The following MTG2 variants were observed in gnomAD, a reference collection of about 807,000 sequenced individuals.
The protein encoded by MTG2 is mitochondrial ribosome-associated GTPase 2.
In MTG2, 23 loss-of-function variants were observed where a neutral mutation model predicts 28.6. That is an observed-to-expected ratio of 0.80 (90% CI 0.58 to 1.14). The LOEUF is 1.14. Among genes scored for constraint, MTG2 ranks in the 50% most tolerant of loss-of-function variants. The pLI is 0.00. For synonymous variants in MTG2, 260 were observed against 251.8 expected (o/e 1.03, Z -0.31); for missense variants, 539 against 552.0 (o/e 0.98, Z 0.24).
At chr20:62,190,042 G>A (rs1465303743) in intron 1 of MTG2, among the ~76,000 whole-genome samples, 1 of 152,144 alleles carries the variant, frequency 6.6e-6, no homozygotes, top group Non-Finnish European at 1.5e-5. Flanking sequence ...TGTCCCCTCT[G>A]TTTTTTGTTT....
chr20:62,198,412 G>A, intron 4 of MTG2: 1 of 596,070 alleles, frequency 1.7e-6, no homozygotes, highest in East Asian at 2.8e-5. Flanking sequence ...AAAGCCCTTT[G>A]TGCAGTCAGA....
chr20:62,199,692 CTT>C (rs576466526), intron 6 of MTG2, among the ~76,000 whole-genome samples: 1,809 of 90,508 alleles, frequency 0.02, 20 homozygotes, highest in African/African-American at 0.069. Context: ...ATGTAAACAA[CTT>C]TTTTTTTTTT....
At chr20:62,184,713 A>G (rs797000186) in intron 1 of MTG2, among the ~76,000 whole-genome samples, 1 of 152,350 alleles carries the variant, frequency 6.6e-6, no homozygotes, top group African/African-American at 2.4e-5. Context: ...CCTGACACAC[A>G]GCACAGGGCA....
intron 1 of MTG2, among the ~76,000 whole-genome samples, chr20:62,193,132 T>A (rs564169092): frequency 6.6e-6 from 1 of 152,228 alleles, no homozygotes; most frequent in Non-Finnish European, 1.5e-5. Context: ...GAGCGGAACC[T>A]TGCTATTCCA....
intron 1 of MTG2, among the ~76,000 whole-genome samples, chr20:62,188,457 C>T (rs962294180): frequency 2.5e-4 from 37 of 150,854 alleles, no homozygotes; most frequent in African/African-American, 8.5e-4. Context: ...CCTTAGCCTC[C>T]TAAGTAGCTG....
intron 1 of MTG2, among the ~76,000 whole-genome samples, chr20:62,184,244 G>C (rs1307254364): frequency 6.6e-6 from 1 of 152,170 alleles, no homozygotes; most frequent in Non-Finnish European, 1.5e-5. Context: ...TGTAATCCCA[G>C]CTACTGGGGA....
chr20:62,188,254 G>T (rs1359877684), intron 1 of MTG2, among the ~76,000 whole-genome samples: 3 of 151,654 alleles, frequency 2.0e-5, no homozygotes, highest in Non-Finnish European at 2.9e-5. Flanking sequence ...TGTTTGATTT[G>T]CAGGTATTTG....
chr20:62,199,400 CT>C (rs2058121780), intron 6 of MTG2, 143 bp downstream of exon 6: 1 of 1,024,856 alleles, frequency 9.8e-7, no homozygotes, highest in Non-Finnish European at 1.4e-6. Context: ...AACCCCAGCA[CT>C]TTGGGAGGCC....
At chr20:62,196,514 A>G (rs1422134789) in intron 3 of MTG2, among the ~76,000 whole-genome samples, 1 of 149,526 alleles carries the variant, frequency 6.7e-6, no homozygotes, top group Non-Finnish European at 1.5e-5. Context: ...CTCTTAAAAA[A>G]TAATAATAAT....
chr20:62,194,544 G>A (rs952590732), intron 2 of MTG2, among the ~76,000 whole-genome samples: 1 of 152,156 alleles, frequency 6.6e-6, no homozygotes, highest in African/African-American at 2.4e-5. Context: ...CCCACATGGT[G>A]GTGCCAAAGA....
chr20:62,185,105 TG>T (rs2057813600), intron 1 of MTG2, among the ~76,000 whole-genome samples: 1 of 151,608 alleles, frequency 6.6e-6, no homozygotes, highest in Non-Finnish European at 1.5e-5. Context: ...AGTGAAACTC[TG>T]CCTCAAATAA....
At position 62,183,070 on chromosome 20, in the gene MTG2, G is replaced by C. The variant is rs973135827; in HGVS notation, c.-6+13G>C. On this transcript the variant is annotated intron_variant, in intron 1 of 6. Coordinates refer to ENST00000370823, the MANE Select transcript of MTG2 (RefSeq NM_015666.4). ...CTTTCCCGAGCCGGTGAGTGCGGGA[G>C]CGGGGAGCGGGGAGCGTGGGCCTGG... 1 of 151,988 alleles carries C rather than the reference G, an allele frequency of 6.6e-6. No individual in the cohort carries two copies. The highest frequency in any genetic ancestry group is 6.5e-5 in the Admixed American group (1 of 15,278). 9.4% of individuals were successfully genotyped at this position (151,988 alleles called of 1,614,324 possible). A position where few individuals can be genotyped will look rare whatever the true frequency, so the allele number is the denominator to read the frequency against.
At chr20:62,189,317 GAAA>G (rs765949239) in intron 1 of MTG2, among the ~76,000 whole-genome samples, 7 of 150,028 alleles carry the variant, frequency 4.7e-5, no homozygotes, top group Non-Finnish European at 8.9e-5. Context: ...AAAAAAAAAA[GAAA>G]AAAAAGTGTC....
At chr20:62,198,111 A>AGCG in intron 4 of MTG2, 144 bp downstream of exon 4, 1 of 651,652 alleles carries the variant, frequency 1.5e-6, no homozygotes. Flanking sequence ...GCTGGCAGAC[A>AGCG]GCGGGAAAGC....
chr20:62,197,876 C>G lies in MTG2; in HGVS notation c.377C>G (p.Ser126Trp). Residue 126 changes from serine to tryptophan, a missense_variant, in exon 4 of 7, where the codon TCG (serine) becomes TGG (tryptophan). Ser to Trp is a radical substitution (Grantham distance 177). Coordinates refer to ENST00000370823, the MANE Select transcript of MTG2 (RefSeq NM_015666.4). ...LRVDQQVKSL[S>W]SVLSRYQGFS... is the part of the protein sequence containing the mutation. Reference sequence around the variant, plus strand: ...GTTGACCAGCAAGTCAAGTCCCTGTCGTCGGTCCTGTCGCGGTACCAGGGT... The same window carrying G: ...GTTGACCAGCAAGTCAAGTCCCTGTGGTCGGTCCTGTCGCGGTACCAGGGT... 1 of 1,614,210 alleles carries G rather than the reference C, an allele frequency of 6.2e-7. No individual in the cohort carries two copies. The highest frequency in any genetic ancestry group is 8.5e-7 in the Non-Finnish European group (1 of 1,180,034).
intron 3 of MTG2, among the ~76,000 whole-genome samples, 170 bp downstream of exon 3, chr20:62,196,119 C>T (rs2058052472): frequency 2.0e-5 from 3 of 151,912 alleles, no homozygotes; most frequent in South Asian, 4.1e-4. Context: ...TCAAGACCAG[C>T]CTGGACAATA....
chr20:62,198,389 A>T, intron 4 of MTG2: 1 of 582,100 alleles, frequency 1.7e-6, no homozygotes, highest in Non-Finnish European at 3.1e-6. Context: ...ACGTTTTAGA[A>T]ACACTATTTG....
At chr20:62,194,521 A>C (rs2058024032) in intron 2 of MTG2, among the ~76,000 whole-genome samples, 1 of 152,224 alleles carries the variant, frequency 6.6e-6, no homozygotes, top group African/African-American at 2.4e-5. Context: ...TGGAAATAAC[A>C]GTTCGTGGTT....
At chr20:62,194,275 C>A (rs149466680) in intron 2 of MTG2, among the ~76,000 whole-genome samples, 9 of 152,310 alleles carry the variant, frequency 5.9e-5, no homozygotes, top group Non-Finnish European at 1.2e-4. Context: ...TCGTTTCCTG[C>A]TGAATGGAGG....
Sources: gnomAD v4.1 joint callset for allele counts (sites outside exome capture counted in the v4.1 genomes callset) on GRCh38, gnomAD v4.1.1 for gene constraint, MANE v1.5 for transcripts, NCBI Gene and HGNC (gene_info 2026-07-23, HGNC 2026-07-21) for gene names.